RERE: variants seen among roughly 807,000 people sequenced by gnomAD.
RERE encodes arginine-glutamic acid dipeptide repeats protein.
Under a neutral mutation model 146.1 loss-of-function variants are expected in RERE, and 40 were observed. That is an observed-to-expected ratio of 0.27 (90% CI 0.21 to 0.36). The LOEUF is 0.36. Among genes scored for constraint, RERE ranks in the 10% least tolerant of loss-of-function variants. RERE has a pLI of 1.00. For synonymous variants in RERE, 1,003 were observed against 866.0 expected, an observed-to-expected ratio of 1.16 and a Z score of -2.78; for missense variants, 1,933 against 2,138.7, an observed-to-expected ratio of 0.90 and a Z score of 1.90.
chr1:8,366,615 C>T (rs979510686), intron 12 of RERE, among the ~76,000 whole-genome samples: 1 of 152,132 alleles, frequency 6.6e-6, no homozygotes, highest in East Asian at 1.9e-4. Context: ...GCCGGCACGA[C>T]GTCCAGAGGC....
At chr1:8,365,270 G>A (rs1003895810) in intron 13 of RERE, among the ~76,000 whole-genome samples, 5 of 152,164 alleles carry the variant, frequency 3.3e-5, no homozygotes, top group Admixed American at 6.5e-5. Flanking sequence ...CAGGTTCAGC[G>A]TCCCGGGCCA....
intron 1 of RERE, among the ~76,000 whole-genome samples, chr1:8,716,299 C>CAAAAAAAA (rs34590852): frequency 2.7e-5 from 3 of 109,590 alleles, no homozygotes; most frequent in Non-Finnish European, 3.8e-5. Flanking sequence ...CTCATCTCTA[C>CAAAAAAAA]AAAAAAAAAA....
At chr1:8,779,842 C>A (rs964836846) in intron 1 of RERE, among the ~76,000 whole-genome samples, 2 of 152,092 alleles carry the variant, frequency 1.3e-5, no homozygotes, top group Non-Finnish European at 2.9e-5. Flanking sequence ...GCATTCATTA[C>A]AATGATGATG....
intron 7 of RERE, among the ~76,000 whole-genome samples, chr1:8,531,598 T>C (rs1190493493): frequency 1.3e-5 from 2 of 152,246 alleles, no homozygotes; most frequent in African/African-American, 4.8e-5. Flanking sequence ...CTTCTTCAAG[T>C]CTTAATGGAT....
chr1:8,605,845 CTTT>C (rs60346942), intron 4 of RERE, among the ~76,000 whole-genome samples: 1 of 93,214 alleles, frequency 1.1e-5, no homozygotes, highest in African/African-American at 4.3e-5. Context: ...AAATACCAAA[CTTT>C]TTTTTTTTTT....
intron 11 of RERE, among the ~76,000 whole-genome samples, chr1:8,433,812 G>T (rs1473307638): frequency 6.6e-6 from 1 of 150,904 alleles, no homozygotes; most frequent in African/African-American, 2.4e-5. Flanking sequence ...CACCCGCCTC[G>T]GCCTCCCAAA....
At chr1:8,363,463 G>A (rs1641674072) in intron 15 of RERE, among the ~76,000 whole-genome samples, 1 of 152,158 alleles carries the variant, frequency 6.6e-6, no homozygotes, top group Non-Finnish European at 1.5e-5. Flanking sequence ...GGCATACAAG[G>A]GGCAGAGGAA....
chr1:8,708,201 G>A (rs181423264), intron 1 of RERE, among the ~76,000 whole-genome samples: 1 of 152,282 alleles, frequency 6.6e-6, no homozygotes, highest in East Asian at 1.9e-4. Context: ...CCCACATGTT[G>A]TGGGAAGGAC....
intron 2 of RERE, among the ~76,000 whole-genome samples, chr1:8,655,583 T>C (rs1638259734): frequency 6.6e-6 from 1 of 152,196 alleles, no homozygotes; most frequent in South Asian, 2.1e-4. Context: ...TTTCCAAGAA[T>C]CTTAAGGTTT....
At chr1:8,439,343 C>T (rs17032593) in intron 11 of RERE, among the ~76,000 whole-genome samples, 3,330 of 152,222 alleles carry the variant, frequency 0.022, 131 homozygotes, top group African/African-American at 0.077. Flanking sequence ...AACAGAAATG[C>T]GATACTGTAA....
Position 8,584,276 on chromosome 1 carries a change from C to T in RERE, c.523-26753G>A, listed in dbSNP as rs567862674. On this transcript the variant is annotated intron_variant, in intron 4 of 22. Transcript: ENST00000400908. ...AAGTAACAAATATTAAAAATAGGCA[C>T]TGGGCATGGTGACTTACACCTGTAA... 4.6e-5 allele frequency among the ~76,000 whole-genome samples: 7 copies of T among 152,212 alleles called. No homozygotes were observed. The South Asian group carries it at 1.4e-3, about 32-fold the overall frequency.
chr1:8,735,810 G>C (rs1640184181), intron 1 of RERE, among the ~76,000 whole-genome samples: 1 of 152,026 alleles, frequency 6.6e-6, no homozygotes, highest in South Asian at 2.1e-4. Flanking sequence ...CTCCAGCTCT[G>C]CCTTCCACCG....
At chr1:8,770,094 C>T (rs1001643358) in intron 1 of RERE, among the ~76,000 whole-genome samples, 1 of 151,908 alleles carries the variant, frequency 6.6e-6, no homozygotes, top group African/African-American at 2.4e-5. Flanking sequence ...CCGGCCAACA[C>T]CATTAATTTT....
intron 12 of RERE, among the ~76,000 whole-genome samples, chr1:8,417,046 T>C (rs1197637035): frequency 3.3e-5 from 5 of 152,218 alleles, no homozygotes; most frequent in Non-Finnish European, 5.9e-5. Context: ...CGTGACACAT[T>C]TGCACATTCT....
At chr1:8,652,305 GAGACAGC>G (rs1647669432) in intron 2 of RERE, among the ~76,000 whole-genome samples, 1 of 152,184 alleles carries the variant, frequency 6.6e-6, no homozygotes, top group African/African-American at 2.4e-5. Context: ...TTAGCTTTCA[GAGACAGC>G]ATACCTTTCT....
At chr1:8,488,794 C>T (rs1644938205) in intron 10 of RERE, among the ~76,000 whole-genome samples, 2 of 152,128 alleles carry the variant, frequency 1.3e-5, no homozygotes, top group South Asian at 4.1e-4. Flanking sequence ...AATGTCAAGG[C>T]AGTCAAATGA....
intron 1 of RERE, among the ~76,000 whole-genome samples, chr1:8,736,467 A>G (rs1557512621): frequency 2.6e-5 from 4 of 152,134 alleles, no homozygotes; most frequent in South Asian, 2.1e-4. Flanking sequence ...TCGGCCTCCC[A>G]AAGTGCTTGG....
chr1:8,503,803 C>T (rs888930069), intron 8 of RERE, among the ~76,000 whole-genome samples: 7 of 152,122 alleles, frequency 4.6e-5, no homozygotes, highest in African/African-American at 1.7e-4. Context: ...GCTTATACAG[C>T]CCTGGCAGGA....
intron 1 of RERE, among the ~76,000 whole-genome samples, chr1:8,790,297 A>G (rs1031207454): frequency 3.3e-5 from 5 of 152,170 alleles, no homozygotes; most frequent in Non-Finnish European, 7.4e-5. Flanking sequence ...CATGAGGAAA[A>G]ACATGTGTTC....
Sources: allele counts gnomAD v4.1 joint callset (sites outside exome capture counted in the v4.1 genomes callset), GRCh38; gene constraint gnomAD v4.1.1; transcripts MANE v1.5; gene names NCBI Gene and HGNC (gene_info 2026-07-23, HGNC 2026-07-21).